Variants in SLC38A6 observed in about 807,000 individuals in gnomAD.
SLC38A6 encodes the protein N system amino acid transporter NAT-1.
A neutral mutation model predicts 65.0 loss-of-function variants in SLC38A6; 73 were observed. The observed-to-expected ratio is 1.12, with a 90% CI of 0.93 to 1.37. The LOEUF is 1.37. Among genes scored for constraint, SLC38A6 ranks in the 40% most tolerant of loss-of-function variants. The probability of loss-of-function intolerance (pLI) is 0.00; values close to 1 mark genes in which losing one functional copy is unlikely to be tolerated. For synonymous variants in SLC38A6, 183 were observed against 178.8 expected, an observed-to-expected ratio of 1.02 and a Z score of -0.19; for missense variants, 561 against 531.1, an observed-to-expected ratio of 1.06 and a Z score of -0.55.
At chr14:61,019,720 C>T (rs1005383990) in intron 5 of SLC38A6, 140 bp downstream of exon 5, 11 of 609,918 alleles carry the variant, frequency 1.8e-5, no homozygotes, top group South Asian at 5.1e-5. Context: ...CCTCTTTACT[C>T]TTTTTTTTTT....
intron 3 of SLC38A6, among the ~76,000 whole-genome samples, chr14:60,997,333 G>A (rs2038367119): frequency 6.6e-6 from 1 of 152,094 alleles, no homozygotes. Flanking sequence ...TGTACTTTTT[G>A]TAGAGATGGG....
rs750915264 is a variant in SLC38A6 at position 61,030,445 on chromosome 14, C to T, written c.404C>T (p.Ala135Val). 2 of 1,599,358 alleles carry T rather than the reference C, an allele frequency of 1.3e-6. No individual in the cohort carries two copies. Among genetic ancestry groups the T allele is most frequent in the Non-Finnish European group, 1.7e-6 (2 of 1,172,856 alleles). Residue 135 changes from alanine (A) to valine (V), a missense_variant and splice_region_variant, in exon 6 of 16, where the codon GCT becomes GTT. By Grantham distance (64) the Ala-to-Val change is moderately conservative (BLOSUM62 0). Coordinates refer to ENST00000267488, the MANE Select transcript of SLC38A6 (RefSeq NM_153811.3). ...AGTIIIQNIG[A>V]MSSYLLIIKT... The stretch of plus-strand genomic sequence containing the variant: ...AGGAACACTATTTATTCTTTTGCAG[C>T]TATGTCATCTTATCTTTTAATTATT...
intron 4 of SLC38A6, among the ~76,000 whole-genome samples, chr14:61,017,267 C>T (rs139232327): frequency 1.3e-5 from 2 of 152,218 alleles, no homozygotes; most frequent in African/African-American, 4.8e-5. Context: ...CTGGGCCTCC[C>T]GACCTCAGGT....
chr14:61,016,477 T>C lies in SLC38A6; in HGVS notation c.363+521T>C, dbSNP rs115769124. Among the ~76,000 whole-genome samples, 1,294 of 152,308 alleles carry C rather than the reference T, an allele frequency of 8.5e-3. 21 individuals are homozygous for C. Among genetic ancestry groups the C allele is most frequent in the African/African-American group, 0.029 (1,221 of 41,568 alleles). On this transcript the variant is annotated intron_variant, in intron 4 of 15. Coordinates refer to ENST00000267488, the MANE Select transcript of SLC38A6 (RefSeq NM_153811.3). ...TAAGGGACCTATTTGTCAACTATTATATAAAGCCAGTACCACATCCTAGAA... is the reference window on the plus strand; with the variant it reads ...TAAGGGACCTATTTGTCAACTATTACATAAAGCCAGTACCACATCCTAGAA...
intron 4 of SLC38A6, among the ~76,000 whole-genome samples, chr14:61,016,893 T>C (rs897140096): frequency 2.0e-5 from 3 of 152,200 alleles, no homozygotes; most frequent in African/African-American, 7.2e-5. Flanking sequence ...TTCACATACT[T>C]ACCATTTTTT....
chr14:61,064,036 A>G (rs941544723), intron 15 of SLC38A6, among the ~76,000 whole-genome samples: 3 of 152,186 alleles, frequency 2.0e-5, no homozygotes, highest in African/African-American at 7.2e-5. Flanking sequence ...TTCATCTTGC[A>G]TGAGAATTAT....
At chr14:61,063,593 G>T (rs998476479) in intron 15 of SLC38A6, among the ~76,000 whole-genome samples, 8 of 152,180 alleles carry the variant, frequency 5.3e-5, no homozygotes, top group African/African-American at 1.9e-4. Context: ...AGAATTGCAT[G>T]CAAAGTGCCG....
intron 3 of SLC38A6, chr14:60,987,521 A>G (rs1198753477): frequency 1.3e-5 from 2 of 152,236 alleles, no homozygotes; most frequent in Non-Finnish European, 2.9e-5. Flanking sequence ...TCATCTGTAA[A>G]ATGGCAATGA....
chr14:61,047,855 G>T (rs143981332), intron 12 of SLC38A6, among the ~76,000 whole-genome samples: 286 of 152,054 alleles, frequency 1.9e-3, no homozygotes, highest in African/African-American at 6.7e-3. Flanking sequence ...TTATATAATA[G>T]AGAAATACAC....
rs763039288 is a variant in SLC38A6, at chr14:61,067,701, G to GCA, written c.1291-11096_1291-11095dup. Among the ~76,000 whole-genome samples the GCA allele has an allele frequency of 2.1e-3, 312 of 151,008 alleles. 1 individual carries two copies. The highest frequency in any genetic ancestry group is 1.1e-3 in the Non-Finnish European group (75 of 67,650). ...TTTTTAAATATGAGGGAATATACAT[G>GCA]CACACACACACACATATATATATAT... On this transcript the variant is annotated intron_variant, in intron 15 of 16. Coordinates refer to the SLC38A6 transcript ENST00000354886.
intron 15 of SLC38A6, among the ~76,000 whole-genome samples, chr14:61,061,939 G>A (rs950759830): frequency 1.3e-4 from 20 of 152,066 alleles, no homozygotes; most frequent in African/African-American, 4.3e-4. Flanking sequence ...CCAGGTTCTA[G>A]CAATTCTCAT....
intron 13 of SLC38A6, among the ~76,000 whole-genome samples, 168 bp downstream of exon 13, chr14:61,050,804 A>G (rs1017235856): frequency 6.6e-6 from 1 of 152,208 alleles, no homozygotes; most frequent in Non-Finnish European, 1.5e-5. Context: ...CCGTAAAAGC[A>G]TAAAAATAAC....
At chr14:61,025,067 G>C (rs1176514084) in intron 5 of SLC38A6, among the ~76,000 whole-genome samples, 12 of 152,186 alleles carry the variant, frequency 7.9e-5, no homozygotes, top group Admixed American at 7.9e-4. Flanking sequence ...GAAATTGCTA[G>C]AATGACCCAG....
intron 8 of SLC38A6, among the ~76,000 whole-genome samples, chr14:61,039,172 A>G (rs1007984702): frequency 6.6e-6 from 1 of 152,052 alleles, no homozygotes; most frequent in African/African-American, 2.4e-5. Context: ...CATGACAGAT[A>G]CTCTTTAATT....
chr14:61,067,668 A>G (rs2043070686), intron 15 of SLC38A6, among the ~76,000 whole-genome samples: 1 of 151,838 alleles, frequency 6.6e-6, no homozygotes, highest in African/African-American at 2.4e-5. Flanking sequence ...TGTGCTGTTG[A>G]TTTACATTTT....
intron 6 of SLC38A6, chr14:61,031,127 A>G (rs912901217): frequency 2.0e-5 from 3 of 152,186 alleles, no homozygotes; most frequent in Admixed American, 1.3e-4. Context: ...TAAAAAATGC[A>G]TCTTACATTT....
intron 3 of SLC38A6, among the ~76,000 whole-genome samples, chr14:61,009,318 T>C (rs925363627): frequency 6.6e-6 from 1 of 152,150 alleles, no homozygotes; most frequent in African/African-American, 2.4e-5. Context: ...CAAAATTACA[T>C]CAATCTGCAT....
At position 61,046,179 on chromosome 14, in the gene SLC38A6, T is replaced by TTACCATAAATTTATGGTAAG. The variant is rs1217397356; in HGVS notation, c.925+14_925+15insCCATAAATTTATGGTAAGTA. 1.1e-5 allele frequency: 16 copies of TTACCATAAATTTATGGTAAG among 1,513,430 alleles called. No homozygotes were observed. The highest frequency in any genetic ancestry group is 1.5e-5 in the Non-Finnish European group (16 of 1,093,994). 93.8% of individuals were successfully genotyped at this position (1,513,430 alleles called of 1,614,324 possible). On this transcript the variant is annotated intron_variant, in intron 12 of 15. Coordinates refer to ENST00000267488, the MANE Select transcript of SLC38A6 (RefSeq NM_153811.3). ...CCTCACTTTTTATGGTAAGTACATT[T>TTACCATAAATTTATGGTAAG]TAAAATTATAGATGACAAAATAATA...
intron 3 of SLC38A6, among the ~76,000 whole-genome samples, chr14:61,007,011 A>G (rs1280721821): frequency 1.3e-5 from 2 of 152,208 alleles, no homozygotes; most frequent in African/African-American, 2.4e-5. Context: ...TGATGAGTTC[A>G]TGTCCTTTGT....
Sources: allele counts gnomAD v4.1 joint callset (sites outside exome capture counted in the v4.1 genomes callset), GRCh38; gene constraint gnomAD v4.1.1; transcripts MANE v1.5; gene names NCBI Gene and HGNC (gene_info 2026-07-23, HGNC 2026-07-21).